FAM149A: variants seen among roughly 807,000 people sequenced by gnomAD.
FAM149A encodes the protein family with sequence similarity 149 member A, also known as protein FAM149A.
In FAM149A, 71 loss-of-function variants were observed where a neutral mutation model predicts 78.2. The ratio of observed to expected loss-of-function variants is 0.91; its 90% confidence interval spans 0.75 to 1.11. The LOEUF (loss-of-function observed/expected upper bound fraction) is 1.11, where lower values mean the gene tolerates loss of function less well. Ranked by LOEUF, FAM149A falls within the 50% of genes least tolerant of loss-of-function variation. The pLI is 0.00. For missense variants in FAM149A, 1,036 were observed against 971.0 expected, an observed-to-expected ratio of 1.07 and a Z score of -0.89; for synonymous variants, 446 against 410.5, an observed-to-expected ratio of 1.09 and a Z score of -1.04.
At chr4:186,147,750 A>G (rs1733174225) in intron 1 of FAM149A, among the ~76,000 whole-genome samples, 1 of 152,202 alleles carries the variant, frequency 6.6e-6, no homozygotes, top group Non-Finnish European at 1.5e-5. Context: ...CTAAAAAGTT[A>G]CTGAGTCACA....
At chr4:186,109,418 A>G in intron 1 of FAM149A, 1 of 922,252 alleles carries the variant, frequency 1.1e-6, no homozygotes, top group Non-Finnish European at 1.3e-6. Flanking sequence ...TAAAGTGACT[A>G]GAGGGACTTA....
At chr4:186,124,675 T>G (rs1482449794) in intron 1 of FAM149A, among the ~76,000 whole-genome samples, 1 of 151,818 alleles carries the variant, frequency 6.6e-6, no homozygotes, top group African/African-American at 2.4e-5. Flanking sequence ...GTTGCACATT[T>G]GGGTTGGTTC....
intron 1 of FAM149A, chr4:186,118,216 T>C (rs2099314523): frequency 2.0e-6 from 2 of 985,226 alleles, no homozygotes; most frequent in Non-Finnish European, 2.4e-6. Context: ...AAGATGGGAG[T>C]GCTCTTTACT....
At chr4:186,106,611 AAAT>A (rs1221133733) in intron 1 of FAM149A, among the ~76,000 whole-genome samples, 2 of 152,138 alleles carry the variant, frequency 1.3e-5, no homozygotes, top group Non-Finnish European at 2.9e-5. Context: ...CTCACAATTT[AAAT>A]AATTACAGTT....
rs1047726692 is a variant in FAM149A, at chr4:186,149,280, C to T, written c.674C>T (p.Thr225Ile). The T allele has an allele frequency of 1.6e-6, 2 of 1,285,828 alleles. No individual in the cohort carries two copies. Among genetic ancestry groups the T allele is most frequent in the African/African-American group, 3.0e-5 (2 of 65,646 alleles). 79.7% of individuals were successfully genotyped at this position (1,285,828 alleles called of 1,614,324 possible). Reference sequence around the variant, plus strand: ...GTGCAGAAAGCCATTGATAAATATACCTGGTAAGAATTCACCTTGCTTCAG... The same window carrying T: ...GTGCAGAAAGCCATTGATAAATATATCTGGTAAGAATTCACCTTGCTTCAG... The change falls in exon 2 of 14, where the codon ACC becomes ATC. Residue 225 changes from threonine to isoleucine, a missense_variant. Physicochemically the swap from Thr to Ile is moderately conservative, Grantham distance 89. This residue lies in a region of FAM149A where 716 missense variants were observed against 711.8 expected (regional missense o/e 1.01). Transcript: ENST00000389354.
rs2099308185 is a variant in FAM149A at position 186,104,977 on chromosome 4, G to A, written c.-100G>A. The A allele has an allele frequency of 8.4e-7, 1 of 1,193,894 alleles. No individual in the cohort carries two copies. The highest frequency in any genetic ancestry group is 1.1e-6 in the Non-Finnish European group (1 of 948,044). The allele number at this position is 1,193,894 out of a possible 1,614,324, so 74.0% of individuals were successfully genotyped here. ...AGGGGCCTCCGGGGCTCCGGGTGCG[G>A]GGACCTCAGGCTCCTCGCCCCGGCC... On this transcript the variant is annotated 5_prime_UTR_variant, in exon 1 of 14. Transcript: ENST00000389354.
chr4:186,105,567 C>A lies in FAM149A; in HGVS notation c.491C>A (p.Pro164His). 8.9e-7 allele frequency: 1 copy of A among 1,121,508 alleles called. No homozygotes were observed. Among genetic ancestry groups the A allele is most frequent in the Non-Finnish European group, 1.1e-6 (1 of 912,108 alleles). 69.5% of individuals were successfully genotyped at this position (1,121,508 alleles called of 1,614,324 possible). A position where few individuals can be genotyped will look rare whatever the true frequency, so the allele number is the denominator to read the frequency against. The change falls in exon 1 of 14, where the codon CCC becomes CAC. Residue 164 changes from proline (P) to histidine (H), a missense_variant. Coordinates refer to ENST00000389354, the MANE Select transcript of FAM149A (RefSeq NM_001367768.3). ...GCCTGCGTGGCCCCCGGGGCTGGCC[C>A]CAGAACCCTGTTCCTTACGCTGCCT...
intron 1 of FAM149A, among the ~76,000 whole-genome samples, chr4:186,113,998 A>C (rs1281231694): frequency 6.4e-4 from 95 of 147,570 alleles, no homozygotes; most frequent in Non-Finnish European, 1.2e-3. Flanking sequence ...GTGGGGTGTT[A>C]AAGTCTCCCA....
In FAM149A at chr4:186,104,781, C is replaced by T. The variant is rs1220353686; in HGVS notation, c.-296C>T. Among the ~76,000 whole-genome samples the T allele has an allele frequency of 7.1e-6, 1 of 140,602 alleles. No homozygotes were observed. Among genetic ancestry groups the T allele is most frequent in the Non-Finnish European group, 1.5e-5 (1 of 65,122 alleles). The allele number at this position is 140,602 out of a possible 152,430, so 92.2% of individuals were successfully genotyped here. On this transcript the variant is annotated 5_prime_UTR_variant, in exon 1 of 14. Transcript: ENST00000389354. ...GCGGGCGGCGGGCGTCTGGGGCGGG[C>T]GGCGGCCGCGCTTCCCGGGGCTCCT...
chr4:186,106,931 CAG>C (rs368377993), intron 1 of FAM149A, among the ~76,000 whole-genome samples: 3 of 152,074 alleles, frequency 2.0e-5, no homozygotes, highest in African/African-American at 7.2e-5. Flanking sequence ...ACCTGGGCGA[CAG>C]AGAGAGAGAC....
intron 1 of FAM149A, chr4:186,125,674 T>C (rs1055036724): frequency 1.0e-6 from 1 of 982,506 alleles, no homozygotes; most frequent in Non-Finnish European, 1.2e-6. Flanking sequence ...AGCGCTTGGC[T>C]GAAATATGGG....
intron 6 of FAM149A, 158 bp downstream of exon 6, chr4:186,154,796 T>C (rs1219570977): frequency 3.0e-6 from 3 of 985,286 alleles, no homozygotes; most frequent in Non-Finnish European, 3.6e-6. Context: ...GCTTTTGGAT[T>C]CCTAGCCAGC....
In FAM149A at chr4:186,160,581, T is replaced by G. The variant is rs533494888; in HGVS notation, c.1576-2264T>G. On this transcript the variant is annotated intron_variant, in intron 8 of 13. Transcript: ENST00000389354. Reference sequence around the variant, plus strand: ...GCACACATACCACACACACCACATATCATACACACACCACACACATACACC... The same window carrying G: ...GCACACATACCACACACACCACATAGCATACACACACCACACACATACACC... 2.5e-4 allele frequency among the ~76,000 whole-genome samples: 30 copies of G among 118,570 alleles called. No individual in the cohort carries two copies. The East Asian group carries it at 3.4e-3, about 13-fold the overall frequency. The allele number at this position is 118,570 out of a possible 152,430, so 77.8% of individuals were successfully genotyped here.
At chr4:186,107,545 T>A (rs767834558) in intron 1 of FAM149A, 1 of 152,212 alleles carries the variant, frequency 6.6e-6, no homozygotes, top group Non-Finnish European at 1.5e-5. Flanking sequence ...CGTCTCAGAC[T>A]CTCGAGTAGC....
chr4:186,105,422 G>A lies in FAM149A; in HGVS notation c.346G>A (p.Gly116Arg). 8.4e-7 allele frequency: 1 copy of A among 1,197,556 alleles called. No homozygotes were observed. Among genetic ancestry groups the A allele is most frequent in the South Asian group, 1.5e-5 (1 of 68,000 alleles). 74.2% of individuals were successfully genotyped at this position (1,197,556 alleles called of 1,614,324 possible). A position where few individuals can be genotyped will look rare whatever the true frequency, so the allele number is the denominator to read the frequency against. Reference sequence around the variant, plus strand: ...GCCCCAGCCCCCCACTCCCTCCGGCGGGGGCTGCTCCCCTGCTCGCCTGGT... The same window carrying A: ...GCCCCAGCCCCCCACTCCCTCCGGCAGGGGCTGCTCCCCTGCTCGCCTGGT... The change falls in exon 1 of 14, where the codon GGG becomes AGG. Residue 116 changes from glycine to arginine, a missense_variant. Gly to Arg is a moderately radical substitution (Grantham distance 125). Around this residue, in one of 3 missense-constraint regions of FAM149A, gnomAD observed 316 missense variants for 241.9 expected, o/e 1.31. Coordinates refer to ENST00000389354, the MANE Select transcript of FAM149A (RefSeq NM_001367768.3).
At chr4:186,133,195 A>G (rs1391611818) in intron 1 of FAM149A, 1 of 985,170 alleles carries the variant, frequency 1.0e-6, no homozygotes, top group Non-Finnish European at 1.2e-6. Context: ...AAAAAATGTG[A>G]TAAATATGCA....
chr4:186,123,810 G>C (rs1185942352), intron 1 of FAM149A: 5 of 982,544 alleles, frequency 5.1e-6, no homozygotes, highest in Non-Finnish European at 6.0e-6. Flanking sequence ...TGAAATCCCA[G>C]ACCCTTCACG....
chr4:186,163,492 G>C lies in FAM149A; in HGVS notation c.1748G>C (p.Gly583Ala). 6.2e-7 allele frequency: 1 copy of C among 1,614,116 alleles called. No individual in the cohort carries two copies. Among genetic ancestry groups the C allele is most frequent in the South Asian group, 1.1e-5 (1 of 91,074 alleles). The stretch of plus-strand genomic sequence containing the variant: ...CTCTCCTCCGCACCGCACAGACTGG[G>C]ACGGGCCTCAGACACTCATGGATTA... Residue 583 changes from glycine (G) to alanine (A), a missense_variant, in exon 10 of 14, where the codon GGA (glycine) becomes GCA (alanine). Around this residue, in one of 3 missense-constraint regions of FAM149A, gnomAD observed 716 missense variants for 711.8 expected, o/e 1.01. Transcript: ENST00000389354.
At chr4:186,109,308 ACT>A (rs1250990863) in intron 1 of FAM149A, 8 of 677,170 alleles carry the variant, frequency 1.2e-5, no homozygotes, top group Non-Finnish European at 1.3e-5. Flanking sequence ...GCATATATTC[ACT>A]CTTTTTTTTT....
Sources: allele counts gnomAD v4.1 joint callset (sites outside exome capture counted in the v4.1 genomes callset), GRCh38; gene constraint gnomAD v4.1.1; regional missense constraint gnomAD v4.1.1; transcripts MANE v1.5; gene names NCBI Gene and HGNC (gene_info 2026-07-23, HGNC 2026-07-21).